The following TNKS2 variants were observed in gnomAD, a reference collection of about 807,000 sequenced individuals.
The protein encoded by TNKS2 is tankyrase 2, also known as poly [ADP-ribose] polymerase tankyrase-2.
Under a neutral mutation model 137.6 loss-of-function variants are expected in TNKS2, and 72 were observed. The observed-to-expected ratio is 0.52, with a 90% CI of 0.43 to 0.64. The LOEUF is 0.64. Among genes scored for constraint, TNKS2 ranks in the 30% least tolerant of loss-of-function variants. The pLI is 0.00. For missense variants in TNKS2, 1,049 were observed against 1,410.2 expected, an observed-to-expected ratio of 0.74 and a Z score of 4.10; for synonymous variants, 516 against 512.1, an observed-to-expected ratio of 1.01 and a Z score of -0.10.
At chr10:91,856,302 C>CTACA (rs1299804942) in intron 23 of TNKS2, among the ~76,000 whole-genome samples, 2 of 152,134 alleles carry the variant, frequency 1.3e-5, no homozygotes, top group Non-Finnish European at 2.9e-5. Flanking sequence ...TTCGTATTAA[C>CTACA]TACATTGATG....
At chr10:91,823,798 A>T (rs947835759) in intron 7 of TNKS2, among the ~76,000 whole-genome samples, 1 of 152,198 alleles carries the variant, frequency 6.6e-6, no homozygotes, top group African/African-American at 2.4e-5. Context: ...GAGAAAGAGG[A>T]CACTTGTTTC....
At chr10:91,819,833 G>C in intron 5 of TNKS2, 106 bp from the exon 6 acceptor site, 1 of 911,528 alleles carries the variant, frequency 1.1e-6, no homozygotes, top group Non-Finnish European at 1.6e-6. Flanking sequence ...ACTACTTAGC[G>C]AAGTTATAAT....
intron 1 of TNKS2, among the ~76,000 whole-genome samples, chr10:91,800,544 TGTCCCAAC>T (rs1171904310): frequency 6.6e-6 from 1 of 152,224 alleles, no homozygotes; most frequent in Non-Finnish European, 1.5e-5. Flanking sequence ...CCTTCAGTTC[TGTCCCAAC>T]GTTTCAAAGC....
intron 1 of TNKS2, among the ~76,000 whole-genome samples, chr10:91,809,306 A>T (rs533061151): frequency 6.6e-6 from 1 of 152,348 alleles, no homozygotes; most frequent in East Asian, 1.9e-4. Context: ...CCATGTGAGT[A>T]TTACCTATGG....
rs1386310921 is a variant in TNKS2, at chr10:91,863,098, C to T, written c.*99C>T. 4 of 796,720 alleles carry T rather than the reference C, an allele frequency of 5.0e-6. No individual in the cohort carries two copies. Among genetic ancestry groups the T allele is most frequent in the Non-Finnish European group, 8.2e-6 (4 of 490,012 alleles). 49.4% of individuals were successfully genotyped at this position (796,720 alleles called of 1,614,324 possible). A position where few individuals can be genotyped will look rare whatever the true frequency, so the allele number is the denominator to read the frequency against. ...TTTGCTGAAAAAAAATCATCTTGCC[C>T]ACAGGCCTGTGGCAAAAGGATAAAA... On this transcript the variant is annotated 3_prime_UTR_variant, in exon 27 of 27. Coordinates refer to ENST00000371627, the MANE Select transcript of TNKS2 (RefSeq NM_025235.4).
In TNKS2 at chr10:91,810,920, CTTT is replaced by C. The variant is rs35240102; in HGVS notation, c.200-2042_200-2040del. 2.2e-4 allele frequency among the ~76,000 whole-genome samples: 11 copies of C among 50,124 alleles called. No individual in the cohort carries two copies. In the East Asian group the frequency reaches 8.5e-3, roughly 39 times the overall value. The allele number at this position is 50,124 out of a possible 152,430, so 32.9% of individuals were successfully genotyped here. A position where few individuals can be genotyped will look rare whatever the true frequency, so the allele number is the denominator to read the frequency against. Reference sequence around the variant, plus strand: ...TTCTTTTCTTTCTCTCTTTTCTTTTCTTTTTTTTTTTTTTTTTTTTTTTGAGAT... The same window carrying C: ...TTCTTTTCTTTCTCTCTTTTCTTTTCTTTTTTTTTTTTTTTTTTTTGAGAT... On this transcript the variant is annotated intron_variant, in intron 1 of 26. Transcript: ENST00000371627.
At chr10:91,834,141 C>T in intron 12 of TNKS2, 117 bp downstream of exon 12, 1 of 742,874 alleles carries the variant, frequency 1.3e-6, no homozygotes, top group Admixed American at 3.5e-5. Context: ...TTGTTTATTT[C>T]TTCTTAGGTT....
chr10:91,861,848 TCTTAAA>T (rs1842860923), intron 25 of TNKS2, 145 bp from the exon 26 acceptor site: 4 of 605,046 alleles, frequency 6.6e-6, no homozygotes, highest in Non-Finnish European at 1.1e-5. Flanking sequence ...TAGAAGACAT[TCTTAAA>T]AAGTTCTTTT....
chr10:91,856,047 AATGCTT>A (rs1022637112), intron 23 of TNKS2, among the ~76,000 whole-genome samples: 7 of 152,114 alleles, frequency 4.6e-5, no homozygotes, highest in African/African-American at 1.7e-4. Context: ...ATAGTCATAC[AATGCTT>A]ATTTTTTTAT....
At chr10:91,857,736 C>T (rs778918612) in intron 24 of TNKS2, among the ~76,000 whole-genome samples, 1 of 152,120 alleles carries the variant, frequency 6.6e-6, no homozygotes, top group East Asian at 1.9e-4. Context: ...AAGATTACCA[C>T]AATAAAAATA....
At chr10:91,825,978 T>G (rs528617484) in intron 7 of TNKS2, among the ~76,000 whole-genome samples, 99 of 152,342 alleles carry the variant, frequency 6.5e-4, no homozygotes, top group African/African-American at 2.3e-3. Flanking sequence ...TAAAGAAATG[T>G]TTATGATAGC....
intron 16 of TNKS2, among the ~76,000 whole-genome samples, chr10:91,844,698 G>A (rs549270365): frequency 5.3e-5 from 8 of 152,274 alleles, no homozygotes; most frequent in South Asian, 2.1e-4. Context: ...AGGCAAGGGG[G>A]AAATGTTTTC....
intron 13 of TNKS2, among the ~76,000 whole-genome samples, chr10:91,838,840 G>T (rs1842117340): frequency 6.6e-6 from 1 of 152,150 alleles, no homozygotes; most frequent in Non-Finnish European, 1.5e-5. Flanking sequence ...GGGGGAAAGA[G>T]TTTTTACTAA....
In TNKS2 at chr10:91,860,933, T is replaced by C. The variant is rs2133686913; in HGVS notation, c.3282-1066T>C. On this transcript the variant is annotated intron_variant, in intron 25 of 26. Coordinates refer to ENST00000371627, the MANE Select transcript of TNKS2 (RefSeq NM_025235.4). ...ATATGGTCTGAAGGCTAAATAGTTC[T>C]GATTATTAGTAATAAGCAGCATTCT... Among the ~76,000 whole-genome samples the C allele has an allele frequency of 1.3e-5, 2 of 152,314 alleles. 1 individual carries two copies. Among genetic ancestry groups the C allele is most frequent in the South Asian group, 4.1e-4 (2 of 4,820 alleles).
intron 16 of TNKS2, among the ~76,000 whole-genome samples, chr10:91,844,115 T>G (rs1299514005): frequency 6.6e-6 from 1 of 152,226 alleles, no homozygotes; most frequent in Non-Finnish European, 1.5e-5. Context: ...TTGTAGCCTA[T>G]CTAGAACACT....
chr10:91,812,289 C>G (rs188788198), intron 1 of TNKS2, among the ~76,000 whole-genome samples: 1 of 152,128 alleles, frequency 6.6e-6, no homozygotes, highest in Admixed American at 6.5e-5. Flanking sequence ...AATTACCAGA[C>G]TTTTTTTGTT....
intron 21 of TNKS2, among the ~76,000 whole-genome samples, chr10:91,852,375 G>A (rs574024145): frequency 7.9e-5 from 12 of 151,250 alleles, no homozygotes; most frequent in African/African-American, 2.7e-4. Context: ...GGCTAACATG[G>A]TGAAACCCCA....
chr10:91,821,130 C>T lies in TNKS2; in HGVS notation c.728+1097C>T, dbSNP rs564586629. 2.1e-3 allele frequency among the ~76,000 whole-genome samples: 316 copies of T among 152,234 alleles called. 1 individual carries two copies. Among genetic ancestry groups the T allele is most frequent in the African/African-American group, 7.2e-3 (300 of 41,524 alleles). Reference sequence around the variant, plus strand: ...GTGGTTCACTGCAACCTCCACCTCCCGGGTTCAAGTGATTCTCCTGCCTCA... The same window carrying T: ...GTGGTTCACTGCAACCTCCACCTCCTGGGTTCAAGTGATTCTCCTGCCTCA... On this transcript the variant is annotated intron_variant, in intron 6 of 26. Transcript: ENST00000371627.
intron 7 of TNKS2, among the ~76,000 whole-genome samples, chr10:91,822,667 AG>A (rs1420786512): frequency 1.3e-5 from 2 of 151,336 alleles, no homozygotes; most frequent in African/African-American, 2.4e-5. Flanking sequence ...CAGGGTTCAA[AG>A]GATTCTCCTG....
Sources: allele counts gnomAD v4.1 joint callset (sites outside exome capture counted in the v4.1 genomes callset), GRCh38; gene constraint gnomAD v4.1.1; transcripts MANE v1.5; gene names NCBI Gene and HGNC (gene_info 2026-07-23, HGNC 2026-07-21).